Variants in KCNAB1 observed in about 807,000 individuals in gnomAD.
KCNAB1 encodes voltage-gated potassium channel subunit beta-1.
Under a neutral mutation model 64.6 loss-of-function variants are expected in KCNAB1, and 35 were observed. The observed-to-expected ratio is 0.54, with a 90% confidence interval of 0.41 to 0.72. The LOEUF is 0.72. KCNAB1 is among the 30% of genes least tolerant of loss of function. KCNAB1 has a pLI of 0.00. For synonymous variants in KCNAB1, 177 were observed against 183.8 expected (o/e 0.96, Z 0.30); for missense variants, 401 against 512.9 (o/e 0.78, Z 2.11).
At chr3:156,249,884 C>G (rs191704450) in intron 1 of KCNAB1, among the ~76,000 whole-genome samples, 1 of 152,324 alleles carries the variant, frequency 6.6e-6, no homozygotes, top group East Asian at 1.9e-4. Context: ...TTGGGGATAT[C>G]TTCTTCAGTA....
At chr3:156,465,584 T>G (rs1713305999) in intron 6 of KCNAB1, 59 bp from the exon 7 acceptor site, 1 of 1,478,436 alleles carries the variant, frequency 6.8e-7, no homozygotes, top group Non-Finnish European at 9.5e-7. Flanking sequence ...GACCAGAGAT[T>G]TAGAGAAGAA....
chr3:156,323,663 C>T (rs1199679228), intron 1 of KCNAB1, among the ~76,000 whole-genome samples: 2 of 152,126 alleles, frequency 1.3e-5, no homozygotes, highest in East Asian at 3.8e-4. Context: ...ATGGTAATGA[C>T]TTATTGTGCA....
At chr3:156,346,188 A>T (rs1669092077) in intron 1 of KCNAB1, among the ~76,000 whole-genome samples, 2 of 152,034 alleles carry the variant, frequency 1.3e-5, no homozygotes, top group Admixed American at 1.3e-4. Flanking sequence ...AATGAAGAAG[A>T]GCAAAAAATC....
At chr3:156,343,576 G>T (rs975469176) in intron 1 of KCNAB1, among the ~76,000 whole-genome samples, 1 of 152,148 alleles carries the variant, frequency 6.6e-6, no homozygotes, top group Non-Finnish European at 1.5e-5. Context: ...AGGGTATGGG[G>T]CTTATTGGAA....
intron 1 of KCNAB1, among the ~76,000 whole-genome samples, chr3:156,288,925 C>T (rs772096940): frequency 6.6e-6 from 1 of 152,130 alleles, no homozygotes. Context: ...ATCCACCTAC[C>T]TTCCTTCCTT....
chr3:156,423,894 C>T (rs1406629649), intron 2 of KCNAB1, among the ~76,000 whole-genome samples: 2 of 152,044 alleles, frequency 1.3e-5, no homozygotes, highest in East Asian at 1.9e-4. Context: ...AAGTATATAT[C>T]CCAGAGGGAC....
intron 1 of KCNAB1, among the ~76,000 whole-genome samples, chr3:156,313,304 G>A (rs1056076625): frequency 3.9e-5 from 6 of 152,132 alleles, no homozygotes; most frequent in Non-Finnish European, 7.4e-5. Flanking sequence ...TTTGGCTACT[G>A]TGGTAGGTTG....
chr3:156,248,752 A>G (rs1717624919), intron 1 of KCNAB1, among the ~76,000 whole-genome samples: 1 of 152,246 alleles, frequency 6.6e-6, no homozygotes. Flanking sequence ...GAAACATGGT[A>G]GACAAGCTTG....
chr3:156,312,729 A>AAAAAAAAAAAAAAAAAAAAC (rs1560189800), intron 1 of KCNAB1, among the ~76,000 whole-genome samples: 2 of 150,096 alleles, frequency 1.3e-5, no homozygotes, highest in Admixed American at 6.7e-5. Context: ...AAAAAAAAAA[A>AAAAAAAAAAAAAAAAAAAAC]AACTCATAAT....
At chr3:156,482,747 G>A (rs1714922471) in intron 8 of KCNAB1, among the ~76,000 whole-genome samples, 1 of 152,008 alleles carries the variant, frequency 6.6e-6, no homozygotes, top group African/African-American at 2.4e-5. Flanking sequence ...GTTATTGTGA[G>A]GATTATTTGA....
chr3:156,252,502 T>C (rs1327262869), intron 1 of KCNAB1, among the ~76,000 whole-genome samples: 1 of 152,226 alleles, frequency 6.6e-6, no homozygotes. Flanking sequence ...TTCAAGAAGC[T>C]GATATCCTTT....
chr3:156,358,070 C>T (rs186152491), intron 1 of KCNAB1, among the ~76,000 whole-genome samples: 34 of 152,006 alleles, frequency 2.2e-4, no homozygotes, highest in Admixed American at 1.8e-3. Context: ...ATTATGCTAA[C>T]GAATTATTGT....
At chr3:156,215,754 G>A (rs577702583) in intron 1 of KCNAB1, 1 of 152,398 alleles carries the variant, frequency 6.6e-6, no homozygotes, top group South Asian at 2.1e-4. Context: ...GAGGAAGAAA[G>A]GGAAGGATCA....
chr3:156,336,317 G>A (rs549456827), intron 1 of KCNAB1, among the ~76,000 whole-genome samples: 6 of 152,198 alleles, frequency 3.9e-5, no homozygotes, highest in East Asian at 1.9e-4. Context: ...AGCTGAGATC[G>A]TACCACTGCA....
intron 1 of KCNAB1, among the ~76,000 whole-genome samples, chr3:156,223,851 C>T (rs1253579293): frequency 6.6e-6 from 1 of 152,234 alleles, no homozygotes; most frequent in Non-Finnish European, 1.5e-5. Flanking sequence ...TGGCTTCACC[C>T]AGTGTATCCC....
chr3:156,431,270 T>C (rs1312566860), intron 2 of KCNAB1, among the ~76,000 whole-genome samples: 1 of 152,222 alleles, frequency 6.6e-6, no homozygotes, highest in Non-Finnish European at 1.5e-5. Flanking sequence ...TTACCTCGGG[T>C]TTGCCTGTGC....
intron 2 of KCNAB1, among the ~76,000 whole-genome samples, chr3:156,445,159 G>A (rs995724517): frequency 2.0e-5 from 3 of 152,116 alleles, no homozygotes; most frequent in Non-Finnish European, 4.4e-5. Flanking sequence ...GGCCGGGCAC[G>A]GTGGCACGCG....
At chr3:156,438,459 T>G (rs1716745043) in intron 2 of KCNAB1, among the ~76,000 whole-genome samples, 1 of 152,218 alleles carries the variant, frequency 6.6e-6, no homozygotes, top group South Asian at 2.1e-4. Flanking sequence ...CCATAATAAG[T>G]AATACATTTT....
rs147315069 is a variant in KCNAB1, at chr3:156,335,457, G to A, written c.276-86159G>A. ...ACATACTATGAAATTATTTACACAC[G>A]TGTCTGGTCTTCCCTTGACTGTGAG... On this transcript the variant is annotated intron_variant, in intron 1 of 13. Coordinates refer to ENST00000490337, the MANE Select transcript of KCNAB1 (RefSeq NM_172160.3). Among the ~76,000 whole-genome samples the A allele has an allele frequency of 1.3e-4, 20 of 152,284 alleles. No homozygotes were observed. The East Asian group carries it at 2.1e-3, about 16-fold the overall frequency.
Sources: gnomAD v4.1 joint callset for allele counts (sites outside exome capture counted in the v4.1 genomes callset) on GRCh38, gnomAD v4.1.1 for gene constraint, MANE v1.5 for transcripts, NCBI Gene and HGNC (gene_info 2026-07-23, HGNC 2026-07-21) for gene names.